Variants in CD68 observed in about 807,000 individuals in gnomAD.
CD68 encodes the protein macrosialin.
In CD68, 24 loss-of-function variants were observed where a neutral mutation model predicts 31.3. The observed-to-expected ratio is 0.77, with a 90% CI of 0.55 to 1.08. The LOEUF (loss-of-function observed/expected upper bound fraction) is 1.08. Ranked by LOEUF, CD68 falls within the 50% of genes least tolerant of loss-of-function variation. The probability of loss-of-function intolerance (pLI) is 0.00; values close to 1 mark genes in which losing one functional copy is unlikely to be tolerated. For missense variants in CD68, 461 were observed against 442.5 expected, an observed-to-expected ratio of 1.04 and a Z score of -0.38; for synonymous variants, 190 against 179.6, an observed-to-expected ratio of 1.06 and a Z score of -0.46.
In CD68 at chr17:7,579,996, A is replaced by C. The variant is rs769042427; in HGVS notation, c.236A>C (p.His79Pro). ...TTSHGPTTAT[H>P]NPTTTSHGNV... ...AGCCACGGACCCACGACTGCCACTC[A>C]CAACCCCACCACCACCAGCCATGGA... The change falls in exon 2 of 6, where the codon CAC becomes CCC. Residue 79 changes from histidine to proline, a missense_variant. By Grantham distance (77) the His-to-Pro change is moderately conservative. Transcript: ENST00000250092. The C allele has an allele frequency of 6.2e-7, 1 of 1,609,046 alleles. No homozygotes were observed. The highest frequency in any genetic ancestry group is 8.5e-7 in the Non-Finnish European group (1 of 1,175,876).
chr17:7,580,385 A>T lies in CD68; in HGVS notation c.567+58A>T. On this transcript the variant is annotated intron_variant, in intron 2 of 5. Coordinates refer to ENST00000250092, the MANE Select transcript of CD68 (RefSeq NM_001251.3). This position sits in a 1 kb window ranked among gnomAD's most constrained non-coding sequence, Gnocchi z 4.3. The stretch of plus-strand genomic sequence containing the variant: ...GAGGCAGGACTGGATATAGGCTCAG[A>T]GGGAAGAAGGAAGAGGGGACAGGGA... 6.2e-7 allele frequency: 1 copy of T among 1,609,410 alleles called. No homozygotes were observed. Among genetic ancestry groups the T allele is most frequent in the South Asian group, 1.1e-5 (1 of 90,828 alleles).
In CD68 at chr17:7,580,198, T is replaced by TC; in HGVS notation, c.440dup (p.Ser148GlufsTer3). ...CCCACCCAGAACCACCTCCACCCTC[T>TC]CCGAGTCCTAGCCCAACCTCCAAGG... On this transcript the variant is annotated frameshift_variant, in exon 2 of 6. Coordinates refer to ENST00000250092, the MANE Select transcript of CD68 (RefSeq NM_001251.3). LOFTEE classifies it high-confidence loss of function. The surrounding 1 kb of genome is among the most constrained non-coding windows in gnomAD (Gnocchi z 4.3). 1 of 1,613,112 alleles carries TC rather than the reference T, an allele frequency of 6.2e-7. No homozygotes were observed. The highest frequency in any genetic ancestry group is 8.5e-7 in the Non-Finnish European group (1 of 1,179,690).
rs142986723 is a variant in CD68 at position 7,580,749 on chromosome 17, G to A, written c.726G>A (p.Ala242=). 192 of 1,613,886 alleles carry A rather than the reference G, an allele frequency of 1.2e-4. No homozygotes were observed. Among genetic ancestry groups the A allele is most frequent in the Non-Finnish European group, 1.4e-4 (169 of 1,180,006 alleles). The change falls in exon 4 of 6, where the codon GCG becomes GCA. Residue 242 remains alanine (A), a synonymous_variant. Transcript: ENST00000250092. The surrounding 1 kb of genome is among the most constrained non-coding windows in gnomAD (Gnocchi z 4.3). The part of the protein sequence containing the change: ...QQKVVYLSYM[A]VEYNVSFPHA... ...AGGTTGTCTACCTGAGCTACATGGC[G>A]GTGGAGTACAATGTGTCCTTCCCCC... is the stretch of plus-strand genomic sequence containing the variant.
Position 7,581,145 on chromosome 17 carries a change from A to G in CD68, c.931+79A>G, listed in dbSNP as rs1341556347. On this transcript the variant is annotated intron_variant, in intron 5 of 5. Coordinates refer to ENST00000250092, the MANE Select transcript of CD68 (RefSeq NM_001251.3). ...CCTTCCCCAGGCCCATAAGCCACTC[A>G]TCTCTCTTCTTAACCCCCCAAATCT... The G allele has an allele frequency of 5.2e-6, 7 of 1,338,766 alleles. No individual in the cohort carries two copies. In the East Asian group the frequency reaches 1.2e-4, roughly 22 times the overall value. 82.9% of individuals were successfully genotyped at this position (1,338,766 alleles called of 1,614,324 possible).
Position 7,579,896 on chromosome 17 carries a change from A to C in CD68, c.136A>C (p.Thr46Pro). 1 of 1,614,052 alleles carries C rather than the reference A, an allele frequency of 6.2e-7. No homozygotes were observed. The highest frequency in any genetic ancestry group is 8.5e-7 in the Non-Finnish European group (1 of 1,179,978). Residue 46 changes from threonine to proline, a missense_variant, in exon 2 of 6, where the codon ACT becomes CCT. Physicochemically the swap from Thr to Pro is conservative, Grantham distance 38. Transcript: ENST00000250092. ...FTVTPTVTES[T>P]GTTSHRTTKS... ...GGTGACACCCACGGTTACAGAGAGC[A>C]CTGGAACAACCAGCCACAGGACTAC...
chr17:7,580,861 G>A lies in CD68; in HGVS notation c.761-35G>A. 2.5e-6 allele frequency: 4 copies of A among 1,613,854 alleles called. No individual in the cohort carries two copies. Among genetic ancestry groups the A allele is most frequent in the Non-Finnish European group, 2.5e-6 (3 of 1,179,838 alleles). ...GAAAGGACTAAGCTGGGGCCAGGGA[G>A]GTGGATAGGATCTGACCCTTCCTCA... On this transcript the variant is annotated intron_variant, in intron 4 of 5. Coordinates refer to ENST00000250092, the MANE Select transcript of CD68 (RefSeq NM_001251.3). This position sits in a 1 kb window ranked among gnomAD's most constrained non-coding sequence, Gnocchi z 4.3.
In CD68 at chr17:7,579,838, CAA is replaced by C. The variant is rs1335659307; in HGVS notation, c.83_84del (p.Lys28IlefsTer69). The C allele has an allele frequency of 6.2e-7, 1 of 1,613,710 alleles. No homozygotes were observed. The highest frequency in any genetic ancestry group is 1.3e-5 in the African/African-American group (1 of 74,818). ...AGGGGACAGGGAATGACTGTCCTCA[CAA>C]AAAATCAGCTACTTTGCTGCCATCC... ...AQGTGNDCPH[K>X]KSATLLPSFT... On this transcript the variant is annotated frameshift_variant, in exon 2 of 6. Coordinates refer to ENST00000250092, the MANE Select transcript of CD68 (RefSeq NM_001251.3). LOFTEE classifies it high-confidence loss of function.
Position 7,581,589 on chromosome 17 carries a change from T to G in CD68, c.*78T>G. 1 of 1,434,750 alleles carries G rather than the reference T, an allele frequency of 7.0e-7. No homozygotes were observed. The highest frequency in any genetic ancestry group is 1.2e-5 in the South Asian group (1 of 86,840). 88.9% of individuals were successfully genotyped at this position (1,434,750 alleles called of 1,614,324 possible). ...TACCCTTATTTCCTCGACACGCAAC[T>G]GGCTCAAAGACAATGTTATTTTCCT... On this transcript the variant is annotated 3_prime_UTR_variant, in exon 6 of 6. Coordinates refer to ENST00000250092, the MANE Select transcript of CD68 (RefSeq NM_001251.3).
intron 5 of CD68, 28 bp downstream of exon 5, chr17:7,581,094 A>C (rs768910613): frequency 2.5e-6 from 4 of 1,594,812 alleles, no homozygotes; most frequent in African/African-American, 1.3e-5. Context: ...CTTCCCTCCT[A>C]GAATCCTCCC....
rs1221768689 is a variant in CD68 at position 7,580,831 on chromosome 17, T to G, written c.760+48T>G. The G allele has an allele frequency of 6.2e-7, 1 of 1,613,730 alleles. No homozygotes were observed. The highest frequency in any genetic ancestry group is 2.2e-5 in the East Asian group (1 of 44,872). On this transcript the variant is annotated intron_variant, in intron 4 of 5. Coordinates refer to ENST00000250092, the MANE Select transcript of CD68 (RefSeq NM_001251.3). This position sits in a 1 kb window ranked among gnomAD's most constrained non-coding sequence, Gnocchi z 4.3. ...TCATTGCTACCACTAGACGCCAGGG[T>G]TCCTGAAAGGACTAAGCTGGGGCCA...
Position 7,580,063 on chromosome 17 carries a change from C to G in CD68, c.303C>G (p.Ser101Arg), listed in dbSNP as rs1168976524. 1 of 1,614,062 alleles carries G rather than the reference C, an allele frequency of 6.2e-7. No homozygotes were observed. Residue 101 changes from serine (S) to arginine (R), a missense_variant, in exon 2 of 6, where the codon AGC becomes AGG. By Grantham distance (110) the Ser-to-Arg change is moderately radical. Transcript: ENST00000250092. This position sits in a 1 kb window ranked among gnomAD's most constrained non-coding sequence, Gnocchi z 4.3. ...CAACAAGCAATAGCACTGCCACCAG[C>G]CAGGGACCCTCAACTGCCACTCACA... is the stretch of plus-strand genomic sequence containing the variant. The part of the protein sequence containing the change: ...VHPTSNSTAT[S>R]QGPSTATHSP...
chr17:7,579,707 C>A lies in CD68; in HGVS notation c.30C>A (p.Ala10=). Residue 10 remains alanine, a synonymous_variant, in exon 1 of 6, where the codon GCC becomes GCA. Coordinates refer to ENST00000250092, the MANE Select transcript of CD68 (RefSeq NM_001251.3). MRLAVLFSG[A]LLGLLAAQGT... ...GGCTGGCTGTGCTTTTCTCGGGGGC[C>A]CTGCTGGGGCTACTGGCAGGTAAGG... The A allele has an allele frequency of 1.2e-6, 2 of 1,603,770 alleles. No homozygotes were observed. Among genetic ancestry groups the A allele is most frequent in the Non-Finnish European group, 1.7e-6 (2 of 1,176,168 alleles).
chr17:7,579,660 G>C lies in CD68; in HGVS notation c.-18G>C. Reference sequence around the variant, plus strand: ...GGTGCAGACAGCCTAGCTGGACTTTGGGTGAGGCGGTTCAGCCATGAGGCT... The same window carrying C: ...GGTGCAGACAGCCTAGCTGGACTTTCGGTGAGGCGGTTCAGCCATGAGGCT... On this transcript the variant is annotated 5_prime_UTR_variant, in exon 1 of 6. Coordinates refer to ENST00000250092, the MANE Select transcript of CD68 (RefSeq NM_001251.3). The C allele has an allele frequency of 6.2e-7, 1 of 1,600,342 alleles. No homozygotes were observed.
At position 7,579,699 on chromosome 17, in the gene CD68, T is replaced by C. The variant is rs1384727994; in HGVS notation, c.22T>C (p.Ser8Pro). 2 of 1,603,778 alleles carry C rather than the reference T, an allele frequency of 1.2e-6. No individual in the cohort carries two copies. Among genetic ancestry groups the C allele is most frequent in the African/African-American group, 2.7e-5 (2 of 74,320 alleles). Residue 8 changes from serine (S) to proline (P), a missense_variant, in exon 1 of 6, where the codon TCG becomes CCG. Coordinates refer to ENST00000250092, the MANE Select transcript of CD68 (RefSeq NM_001251.3). ...AGCCATGAGGCTGGCTGTGCTTTTC[T>C]CGGGGGCCCTGCTGGGGCTACTGGC... MRLAVLF[S>P]GALLGLLAAQ...
rs995347143 is a variant in CD68 at position 7,581,579 on chromosome 17, G to A, written c.*68G>A. 4.6e-5 allele frequency: 69 copies of A among 1,493,766 alleles called. No homozygotes were observed. Among genetic ancestry groups the A allele is most frequent in the East Asian group, 1.4e-4 (6 of 44,234 alleles). The allele number at this position is 1,493,766 out of a possible 1,614,324, so 92.5% of individuals were successfully genotyped here. A position where few individuals can be genotyped will look rare whatever the true frequency, so the allele number is the denominator to read the frequency against. On this transcript the variant is annotated 3_prime_UTR_variant, in exon 6 of 6. Transcript: ENST00000250092. ...GGTGGGGGGGTACCCTTATTTCCTCGACACGCAACTGGCTCAAAGACAATG... is the reference window on the plus strand; with the variant it reads ...GGTGGGGGGGTACCCTTATTTCCTCAACACGCAACTGGCTCAAAGACAATG...
Position 7,580,906 on chromosome 17 carries a change from C to A in CD68, c.771C>A (p.Phe257Leu). The change falls in exon 5 of 6, where the codon TTC becomes TTA. Residue 257 changes from phenylalanine (F) to leucine (L), a missense_variant. Transcript: ENST00000250092. This position sits in a 1 kb window ranked among gnomAD's most constrained non-coding sequence, Gnocchi z 4.3. ...VSFPHAAQWT[F>L]SAQNASLRDL... ...TCCTCACTCCTCCAGAGTGGACATT[C>A]TCGGCTCAGAATGCATCCCTTCGAG... is the stretch of plus-strand genomic sequence containing the variant. 1 of 1,613,992 alleles carries A rather than the reference C, an allele frequency of 6.2e-7. No homozygotes were observed. The highest frequency in any genetic ancestry group is 1.1e-5 in the South Asian group (1 of 91,072).
In CD68 at chr17:7,580,738, A is replaced by G. The variant is rs760008750; in HGVS notation, c.715A>G (p.Ser239Gly). The G allele has an allele frequency of 1.2e-6, 2 of 1,614,006 alleles. No individual in the cohort carries two copies. The highest frequency in any genetic ancestry group is 3.3e-5 in the Admixed American group (2 of 60,012). The change falls in exon 4 of 6, where the codon AGC (serine) becomes GGC (glycine). Residue 239 changes from serine (S) to glycine (G), a missense_variant. Transcript: ENST00000250092. The surrounding 1 kb of genome is among the most constrained non-coding windows in gnomAD (Gnocchi z 4.3). ...QDLQQKVVYL[S>G]YMAVEYNVSF... ...CCTCCAGCAGAAGGTTGTCTACCTG[A>G]GCTACATGGCGGTGGAGTACAATGT...
In CD68 at chr17:7,580,417, G is replaced by A; in HGVS notation, c.568-49G>A. On this transcript the variant is annotated intron_variant, in intron 2 of 5. Coordinates refer to ENST00000250092, the MANE Select transcript of CD68 (RefSeq NM_001251.3). This position sits in a 1 kb window ranked among gnomAD's most constrained non-coding sequence, Gnocchi z 4.3. ...AAGGAAGAGGGGACAGGGAACCTTG[G>A]CCGGCATCGCATGCAGTCTTGTGAC... The A allele has an allele frequency of 6.2e-7, 1 of 1,611,668 alleles. No individual in the cohort carries two copies. The highest frequency in any genetic ancestry group is 1.1e-5 in the South Asian group (1 of 91,002).
At position 7,580,748 on chromosome 17, in the gene CD68, C is replaced by T. The variant is rs1597855774; in HGVS notation, c.725C>T (p.Ala242Val). ...QQKVVYLSYM[A>V]VEYNVSFPHA... ...AAGGTTGTCTACCTGAGCTACATGG[C>T]GGTGGAGTACAATGTGTCCTTCCCC... Residue 242 changes from alanine to valine, a missense_variant, in exon 4 of 6, where the codon GCG (alanine) becomes GTG (valine). Coordinates refer to ENST00000250092, the MANE Select transcript of CD68 (RefSeq NM_001251.3). This position sits in a 1 kb window ranked among gnomAD's most constrained non-coding sequence, Gnocchi z 4.3. The T allele has an allele frequency of 3.7e-6, 6 of 1,613,982 alleles. No homozygotes were observed. The highest frequency in any genetic ancestry group is 5.1e-6 in the Non-Finnish European group (6 of 1,180,018).
Sources: allele counts gnomAD v4.1 joint callset, GRCh38; gene constraint gnomAD v4.1.1; non-coding constraint Gnocchi (gnomAD v3.1); transcripts MANE v1.5; gene names NCBI Gene and HGNC (gene_info 2026-07-23, HGNC 2026-07-21).